Variants in TRPM6 observed in about 807,000 individuals in gnomAD.
The protein encoded by TRPM6 is transient receptor potential cation channel subfamily M member 6.
TRPM6 carries 111 observed loss-of-function variants against 247.6 expected under a neutral mutation model. The observed-to-expected ratio is 0.45, with a 90% CI of 0.38 to 0.52. TRPM6 has a LOEUF of 0.52. Among genes scored for constraint, TRPM6 ranks in the 20% least tolerant of loss-of-function variants. The probability of loss-of-function intolerance (pLI) is 0.00; values close to 1 mark genes in which losing one functional copy is unlikely to be tolerated. For synonymous variants in TRPM6, 892 were observed against 853.8 expected (o/e 1.04, Z -0.78); for missense variants, 2,126 against 2,421.5 (o/e 0.88, Z 2.56).
At chr9:74,879,852 C>T (rs1386285186) in intron 1 of TRPM6, among the ~76,000 whole-genome samples, 1 of 152,118 alleles carries the variant, frequency 6.6e-6, no homozygotes, top group Non-Finnish European at 1.5e-5. Context: ...TGTGAGCCGC[C>T]CCAGCAAAAT....
intron 5 of TRPM6, among the ~76,000 whole-genome samples, chr9:74,837,708 A>C (rs1473244109): frequency 6.7e-6 from 1 of 149,778 alleles, no homozygotes; most frequent in African/African-American, 2.5e-5. Flanking sequence ...GGGCTCCCAA[A>C]GTGTTGGGAT....
intron 6 of TRPM6, among the ~76,000 whole-genome samples, chr9:74,829,414 T>G (rs1458013786): frequency 6.6e-6 from 1 of 152,246 alleles, no homozygotes; most frequent in East Asian, 1.9e-4. Flanking sequence ...CCACTTCGTA[T>G]TTGCTTTTAG....
At chr9:74,852,366 C>A (rs150471223) in intron 3 of TRPM6, among the ~76,000 whole-genome samples, 1,955 of 150,852 alleles carry the variant, frequency 0.013, 36 homozygotes, top group African/African-American at 0.044. Context: ...CTAAAATTTT[C>A]TTTCAATAAA....
chr9:74,792,313 T>G (rs1827933519), intron 19 of TRPM6, among the ~76,000 whole-genome samples: 1 of 152,168 alleles, frequency 6.6e-6, no homozygotes, highest in South Asian at 2.1e-4. Context: ...CTCAGAGTTT[T>G]TAGAGACAGG....
At position 74,840,165 on chromosome 9, in the gene TRPM6, G is replaced by A. The variant is rs1829883427; in HGVS notation, c.403C>T (p.Leu135=). 1 of 1,614,096 alleles carries A rather than the reference G, an allele frequency of 6.2e-7. No homozygotes were observed. The highest frequency in any genetic ancestry group is 8.5e-7 in the Non-Finnish European group (1 of 1,179,976). ...HLMLKEWKME[L]PKLVISVHGG... ...TGGACTGAGATCACAAGCTTGGGCA[G>A]TTCCATTTTCCACTCTTTCAACATT... Residue 135 remains leucine (L), a synonymous_variant, in exon 5 of 39, where the codon CTG becomes TTG. Transcript: ENST00000360774.
At chr9:74,744,303 C>A (rs751453832) in intron 31 of TRPM6, 158 bp from the exon 32 acceptor site, 2 of 733,196 alleles carry the variant, frequency 2.7e-6, no homozygotes, top group African/African-American at 1.7e-5. Context: ...CACAGTATTG[C>A]GCATGGTATC....
At chr9:74,784,084 C>T (rs991302083) in intron 21 of TRPM6, among the ~76,000 whole-genome samples, 7 of 151,790 alleles carry the variant, frequency 4.6e-5, no homozygotes, top group African/African-American at 1.7e-4. Context: ...GGTGAAACCC[C>T]GTCTCTACTA....
chr9:74,792,215 C>T (rs1231084722), intron 19 of TRPM6, among the ~76,000 whole-genome samples: 1 of 152,212 alleles, frequency 6.6e-6, no homozygotes, highest in Non-Finnish European at 1.5e-5. Context: ...ACTTGAGGGA[C>T]TCTGATAGGA....
intron 36 of TRPM6, among the ~76,000 whole-genome samples, chr9:74,734,211 C>A (rs1398155949): frequency 6.6e-6 from 1 of 152,166 alleles, no homozygotes; most frequent in African/African-American, 2.4e-5. Flanking sequence ...CCAGCGATTT[C>A]TGAGATCATT....
intron 6 of TRPM6, among the ~76,000 whole-genome samples, chr9:74,831,206 C>T (rs915633480): frequency 4.6e-5 from 7 of 152,020 alleles, no homozygotes; most frequent in African/African-American, 1.4e-4. Context: ...TACTATGTCT[C>T]ACTGACCAGG....
chr9:74,749,917 G>T (rs1243864093), intron 30 of TRPM6, among the ~76,000 whole-genome samples: 1 of 152,110 alleles, frequency 6.6e-6, no homozygotes, highest in Admixed American at 6.6e-5. Context: ...TACCTGCTGG[G>T]TATCAACTGG....
At chr9:74,727,085 C>T (rs1234964951) in intron 38 of TRPM6, among the ~76,000 whole-genome samples, 1 of 152,098 alleles carries the variant, frequency 6.6e-6, no homozygotes, top group East Asian at 1.9e-4. Flanking sequence ...CTTTCTATGC[C>T]TTCACCACAA....
chr9:74,784,941 G>T (rs1338877724), intron 21 of TRPM6, among the ~76,000 whole-genome samples: 1 of 152,058 alleles, frequency 6.6e-6, no homozygotes, highest in East Asian at 1.9e-4. Flanking sequence ...GTGGGACCCT[G>T]TCTATATAAA....
At position 74,786,041 on chromosome 9, in the gene TRPM6, T is replaced by G; in HGVS notation, c.2752A>C (p.Ile918Leu). 6.2e-7 allele frequency: 1 copy of G among 1,614,208 alleles called. No individual in the cohort carries two copies. The highest frequency in any genetic ancestry group is 8.5e-7 in the Non-Finnish European group (1 of 1,180,042). ...EYWNLTETVAIGLFSAGFVLR... is the reference protein window; with the variant it reads ...EYWNLTETVALGLFSAGFVLR... The stretch of plus-strand genomic sequence containing the variant: ...ACGAAGCCAGCTGAAAACAGGCCAA[T>G]GGCCACAGTTTCTGTTAAGTTCCAG... The change falls in exon 21 of 39, where the codon ATT becomes CTT. Residue 918 changes from isoleucine (I) to leucine (L), a missense_variant. Ile to Leu is a conservative substitution (Grantham distance 5). Around this residue, in one of 3 missense-constraint regions of TRPM6, gnomAD observed 1,082 missense variants for 1,307.9 expected, o/e 0.83. Transcript: ENST00000360774.
Position 74,762,011 on chromosome 9 carries a change from A to G in TRPM6, c.4660T>C (p.Cys1554Arg). 6.2e-7 allele frequency: 1 copy of G among 1,614,054 alleles called. No individual in the cohort carries two copies. Among genetic ancestry groups the G allele is most frequent in the Non-Finnish European group, 8.5e-7 (1 of 1,179,904 alleles). Residue 1554 changes from cysteine to arginine, a missense_variant, in exon 26 of 39, where the codon TGT (cysteine) becomes CGT (arginine). Around this residue, in one of 3 missense-constraint regions of TRPM6, gnomAD observed 717 missense variants for 715.9 expected, o/e 1.00. Coordinates refer to ENST00000360774, the MANE Select transcript of TRPM6 (RefSeq NM_017662.5). ...GTTTATTCCTTACTTTTAATCTTAC[A>G]GATCTTCATCAATTTCTCCTCCTTA... ...FHKEEKLMKICKIKNLSGSSE... is the reference protein window; with the variant it reads ...FHKEEKLMKIRKIKNLSGSSE...
chr9:74,750,627 CAAAGATTCTT>C, intron 30 of TRPM6, 27 bp downstream of exon 30: 1 of 1,598,956 alleles, frequency 6.3e-7, no homozygotes, highest in African/African-American at 1.3e-5. Flanking sequence ...AAATGGAAGC[CAAAGATTCTT>C]AAACATAAAC....
intron 21 of TRPM6, 83 bp from the exon 22 acceptor site, chr9:74,782,936 A>G (rs749545412): frequency 4.0e-6 from 5 of 1,261,330 alleles, no homozygotes; most frequent in Non-Finnish European, 5.8e-6. Flanking sequence ...CATCATAACT[A>G]TACCTGCAAA....
intron 34 of TRPM6, 76 bp from the exon 35 acceptor site, chr9:74,739,525 C>A: frequency 3.3e-6 from 5 of 1,535,422 alleles, no homozygotes; most frequent in Non-Finnish European, 4.5e-6. Context: ...CTATAGGCTA[C>A]CCCAATGTGA....
At chr9:74,833,218 C>T (rs1474219156) in intron 6 of TRPM6, among the ~76,000 whole-genome samples, 1 of 152,106 alleles carries the variant, frequency 6.6e-6, no homozygotes, top group Non-Finnish European at 1.5e-5. Context: ...TACACACATA[C>T]ATAGAAAAAA....
Sources: allele counts gnomAD v4.1 joint callset (sites outside exome capture counted in the v4.1 genomes callset), GRCh38; gene constraint gnomAD v4.1.1; regional missense constraint gnomAD v4.1.1; transcripts MANE v1.5; gene names NCBI Gene and HGNC (gene_info 2026-07-23, HGNC 2026-07-21).